Variants in PDE10A observed in about 807,000 individuals in gnomAD.
The protein encoded by PDE10A is phosphodiesterase 10A.
PDE10A carries 39 observed loss-of-function variants against 97.7 expected under a neutral mutation model. The observed-to-expected ratio is 0.40, with a 90% confidence interval of 0.31 to 0.52. The LOEUF (loss-of-function observed/expected upper bound fraction) is 0.52. Ranked by LOEUF, PDE10A falls within the 20% of genes least tolerant of loss-of-function variation. The probability of loss-of-function intolerance (pLI) is 0.56; values close to 1 mark genes in which losing one functional copy is unlikely to be tolerated. For synonymous variants in PDE10A, 371 were observed against 376.8 expected (o/e 0.98, Z 0.18); for missense variants, 731 against 1,047.8 (o/e 0.70, Z 4.17).
At chr6:165,475,443 AATT>A (rs1779240958) in intron 3 of PDE10A, among the ~76,000 whole-genome samples, 2 of 152,328 alleles carry the variant, frequency 1.3e-5, no homozygotes, top group Admixed American at 1.3e-4. Flanking sequence ...AGAAAAGCTG[AATT>A]AGTGAAGAAA....
intron 1 of PDE10A, among the ~76,000 whole-genome samples, chr6:165,712,107 G>A (rs1002672982): frequency 6.6e-6 from 1 of 152,090 alleles, no homozygotes; most frequent in African/African-American, 2.4e-5. Context: ...AGGGGCACGG[G>A]CTGGAGGGTT....
chr6:165,926,795 G>T (rs1402682242), intron 1 of PDE10A, among the ~76,000 whole-genome samples: 1 of 152,122 alleles, frequency 6.6e-6, no homozygotes, highest in Non-Finnish European at 1.5e-5. Flanking sequence ...AGCTACTGAA[G>T]GTAATTCTGT....
rs552517910 is a variant in PDE10A at position 165,871,966 on chromosome 6, A to C, written c.-615+115563T>G. On this transcript the variant is annotated intron_variant, in intron 1 of 19. Transcript: ENST00000366882. ...TCAGTGAAGCTTTTCACTGGAGACC[A>C]ATAAATCTGGAAAATTCAGCTGGGC... Among the ~76,000 whole-genome samples the C allele has an allele frequency of 1.2e-4, 19 of 152,364 alleles. No individual in the cohort carries two copies. The South Asian group carries it at 3.9e-3, about 32-fold the overall frequency.
chr6:165,883,715 A>G (rs984211796), intron 1 of PDE10A, among the ~76,000 whole-genome samples: 2 of 152,010 alleles, frequency 1.3e-5, no homozygotes, highest in South Asian at 4.2e-4. Flanking sequence ...CGCACACCCC[A>G]CTGAGGTGCT....
At position 165,610,487 on chromosome 6, in the gene PDE10A, C is replaced by T. The variant is rs1485578255; in HGVS notation, c.865+51460G>A. ...CGGAGCTTGCCGTGAGCTGAGATCGCGCCACTGCACTCCAGCCTGGGTGAC... is the reference window on the plus strand; with the variant it reads ...CGGAGCTTGCCGTGAGCTGAGATCGTGCCACTGCACTCCAGCCTGGGTGAC... On this transcript the variant is annotated intron_variant, in intron 1 of 21. Transcript: ENST00000539869. Among the ~76,000 whole-genome samples the T allele has an allele frequency of 2.6e-4, 39 of 149,366 alleles. 1 individual carries two copies. Among genetic ancestry groups the T allele is most frequent in the African/African-American group, 6.5e-4 (26 of 40,298 alleles).
chr6:165,976,103 CAGTT>C (rs1437150313), intron 1 of PDE10A, among the ~76,000 whole-genome samples: 1 of 152,180 alleles, frequency 6.6e-6, no homozygotes, highest in Non-Finnish European at 1.5e-5. Context: ...AGCATGTTGT[CAGTT>C]AGGTATAGAT....
chr6:165,665,886 C>T (rs773179844), upstream of PDE10A, among the ~76,000 whole-genome samples: 24 of 152,172 alleles, frequency 1.6e-4, no homozygotes, highest in Non-Finnish European at 2.2e-4. Context: ...TTAAATTCTC[C>T]AAACATTCTT....
intron 1 of PDE10A, among the ~76,000 whole-genome samples, chr6:165,900,375 G>A (rs1207674686): frequency 2.6e-5 from 4 of 152,048 alleles, no homozygotes; most frequent in Non-Finnish European, 5.9e-5. Context: ...CAGAGGCTGA[G>A]GCAGGAGAAT....
intron 1 of PDE10A, among the ~76,000 whole-genome samples, chr6:165,889,938 T>TCCTC (rs371189001): frequency 4.6e-4 from 13 of 28,246 alleles, no homozygotes; most frequent in East Asian, 3.6e-3. Context: ...CCTCCCTCAC[T>TCCTC]CCTCCCTCCC....
At chr6:165,459,561 A>C (rs1295152126) in intron 3 of PDE10A, among the ~76,000 whole-genome samples, 2 of 79,848 alleles carry the variant, frequency 2.5e-5, no homozygotes, top group Non-Finnish European at 5.6e-5. Context: ...AGACAGACAG[A>C]TAGATAGATA....
rs1163324955 is a variant in PDE10A at position 165,662,724 on chromosome 6, G to A, written c.88C>T (p.Leu30Phe). Reference sequence around the variant, plus strand: ...GCGCTGAGCCGGGGTTCCGGGCGGAGTTTGCCGGGGCCGCAGCCCGGCTCG... The same window carrying A: ...GCGCTGAGCCGGGGTTCCGGGCGGAATTTGCCGGGGCCGCAGCCCGGCTCG... ...GDEPGCGPGK[L>F]RPEPRLSAAG... Residue 30 changes from leucine (L) to phenylalanine (F), a missense_variant, in exon 1 of 22, where the codon CTC becomes TTC. This residue lies in a region of PDE10A where 181 missense variants were observed against 159.1 expected (regional missense o/e 1.14). Transcript: ENST00000539869. Among the ~76,000 whole-genome samples, 4 of 147,774 alleles carry A rather than the reference G, an allele frequency of 2.7e-5. No individual in the cohort carries two copies. The highest frequency in any genetic ancestry group is 4.5e-5 in the Non-Finnish European group (3 of 66,488).
At chr6:165,540,752 C>T (rs1233157814) in intron 2 of PDE10A, among the ~76,000 whole-genome samples, 1 of 152,164 alleles carries the variant, frequency 6.6e-6, no homozygotes, top group African/African-American at 2.4e-5. Flanking sequence ...GCCTCAGCCT[C>T]CCAAGTAGCT....
chr6:165,513,399 T>C (rs1781616192), intron 2 of PDE10A, among the ~76,000 whole-genome samples: 1 of 152,128 alleles, frequency 6.6e-6, no homozygotes, highest in South Asian at 2.1e-4. Flanking sequence ...TTTGTATGCC[T>C]ATCTCTGCAG....
intron 1 of PDE10A, among the ~76,000 whole-genome samples, chr6:165,702,015 G>T (rs1185854810): frequency 1.3e-5 from 2 of 152,196 alleles, no homozygotes; most frequent in African/African-American, 4.8e-5. Flanking sequence ...CAGGACAAGT[G>T]GGGAGGGCAG....
chr6:165,371,772 C>T (rs1178080727), intron 18 of PDE10A, among the ~76,000 whole-genome samples: 2 of 151,756 alleles, frequency 1.3e-5, no homozygotes, highest in Admixed American at 6.6e-5. Flanking sequence ...GAGACACAAC[C>T]AAAAAAGAGA....
At chr6:165,692,127 C>T (rs906519526) in intron 1 of PDE10A, among the ~76,000 whole-genome samples, 2 of 152,120 alleles carry the variant, frequency 1.3e-5, no homozygotes, top group Non-Finnish European at 2.9e-5. Flanking sequence ...GTTCCTGGGC[C>T]GGTGAGTGCA....
intron 2 of PDE10A, among the ~76,000 whole-genome samples, chr6:165,513,739 T>C (rs1781638164): frequency 6.6e-6 from 1 of 152,150 alleles, no homozygotes; most frequent in African/African-American, 2.4e-5. Context: ...ATTTTGCACT[T>C]CTGCTAAATG....
At chr6:165,427,152 A>G (rs1205692958) in intron 10 of PDE10A, among the ~76,000 whole-genome samples, 1 of 152,096 alleles carries the variant, frequency 6.6e-6, no homozygotes, top group Non-Finnish European at 1.5e-5. Flanking sequence ...TCAAACAAAA[A>G]CGTGTAGAGG....
chr6:165,976,647 T>A (rs7770450), intron 1 of PDE10A, among the ~76,000 whole-genome samples: 2,633 of 152,314 alleles, frequency 0.017, 75 homozygotes, highest in African/African-American at 0.059. Flanking sequence ...AAAGCCCATA[T>A]GTGAAACTCA....
Sources: gnomAD v4.1 joint callset for allele counts (sites outside exome capture counted in the v4.1 genomes callset) on GRCh38, gnomAD v4.1.1 for gene constraint, gnomAD v4.1.1 regional missense constraint, MANE v1.5 for transcripts, NCBI Gene and HGNC (gene_info 2026-07-23, HGNC 2026-07-21) for gene names.